Variants in ZC3H14 observed in about 807,000 individuals in gnomAD.
ZC3H14 encodes zinc finger CCCH-type containing 14.
Under a neutral mutation model 92.4 loss-of-function variants are expected in ZC3H14, and 31 were observed. That is an observed-to-expected ratio of 0.34 (90% CI 0.25 to 0.45). The LOEUF (loss-of-function observed/expected upper bound fraction) is 0.45, where lower values mean the gene tolerates loss of function less well. ZC3H14 is among the 20% of genes least tolerant of loss of function. The probability of loss-of-function intolerance (pLI) is 1.00; values close to 1 mark genes in which losing one functional copy is unlikely to be tolerated. For missense variants in ZC3H14, 781 were observed against 897.3 expected (o/e 0.87, Z 1.66); for synonymous variants, 321 against 300.9 (o/e 1.07, Z -0.69).
At chr14:88,570,800 T>C (rs921800884) in intron 3 of ZC3H14, among the ~76,000 whole-genome samples, 2 of 152,204 alleles carry the variant, frequency 1.3e-5, no homozygotes, top group African/African-American at 2.4e-5. Context: ...TCATACCATT[T>C]ATTCACTAAA....
intron 4 of ZC3H14, 105 bp from the exon 5 acceptor site, chr14:88,571,925 C>T (rs2080463427): frequency 1.1e-6 from 1 of 932,396 alleles, no homozygotes; most frequent in South Asian, 2.2e-5. Context: ...GAACGCGCCA[C>T]TGCCCTCCAG....
intron 12 of ZC3H14, among the ~76,000 whole-genome samples, chr14:88,603,649 C>G (rs180744141): frequency 1.4e-4 from 21 of 152,270 alleles, no homozygotes; most frequent in African/African-American, 5.1e-4. Context: ...AGCTGCAACG[C>G]CACTGATCAT....
At position 88,602,904 on chromosome 14, in the gene ZC3H14, T is replaced by A; in HGVS notation, c.1591T>A (p.Tyr531Asn). ...TLDGVPSPPG[Y>N]MSDQEEDMCF... ...GGATGGTGTCCCCAGCCCCCCAGGA[T>A]ACATGTCAGATCAAGAGGAGGACAT... Residue 531 changes from tyrosine to asparagine, a missense_variant, in exon 12 of 17, where the codon TAC becomes AAC. By Grantham distance (143) the Tyr-to-Asn change is moderately radical. Transcript: ENST00000251038. The A allele has an allele frequency of 6.2e-7, 1 of 1,614,166 alleles. No individual in the cohort carries two copies. The highest frequency in any genetic ancestry group is 8.5e-7 in the Non-Finnish European group (1 of 1,180,016).
At chr14:88,579,054 T>G (rs984005693) in intron 9 of ZC3H14, among the ~76,000 whole-genome samples, 4 of 152,126 alleles carry the variant, frequency 2.6e-5, no homozygotes, top group Admixed American at 2.0e-4. Context: ...TGTTTCTTTT[T>G]CTACTAAGAT....
rs1257149806 is a variant in ZC3H14 at position 88,610,826 on chromosome 14, C to G, written c.2098-8C>G. 9 of 1,611,438 alleles carry G rather than the reference C, an allele frequency of 5.6e-6. No homozygotes were observed. The highest frequency in any genetic ancestry group is 6.8e-6 in the Non-Finnish European group (8 of 1,177,716). On this transcript the variant is annotated splice_region_variant and splice_polypyrimidine_tract_variant and intron_variant, in intron 15 of 16. Transcript: ENST00000251038. ...GGATATTGTTGAAGCTCTGTTATCT[C>G]TATTCAGCATTGTAGGTTTAACACT...
Position 88,621,876 on chromosome 14 carries a change from A to T in ZC3H14, c.*10125A>T, listed in dbSNP as rs1231910401. On this transcript the variant is annotated 3_prime_UTR_variant, in exon 17 of 17. Transcript: ENST00000251038. ...GACATTTATCATTTCTTTGTGATGG[A>T]AACTTTCAAAATCCTCTCTTGTAAA... 4.4e-6 allele frequency: 2 copies of T among 456,446 alleles called. No individual in the cohort carries two copies. The highest frequency in any genetic ancestry group is 4.7e-5 in the Admixed American group (2 of 42,540). The allele number at this position is 456,446 out of a possible 1,614,324, so 28.3% of individuals were successfully genotyped here. A position where few individuals can be genotyped will look rare whatever the true frequency, so the allele number is the denominator to read the frequency against.
chr14:88,573,048 G>A (rs756387252), intron 6 of ZC3H14, 41 bp downstream of exon 6: 4 of 1,605,736 alleles, frequency 2.5e-6, no homozygotes, highest in East Asian at 4.5e-5. Flanking sequence ...GCTAAAAATC[G>A]GCAGTTCTTG....
At chr14:88,610,723 A>C (rs1453382303) in intron 15 of ZC3H14, 111 bp from the exon 16 acceptor site, 1 of 1,046,416 alleles carries the variant, frequency 9.6e-7, no homozygotes, top group Non-Finnish European at 1.4e-6. Context: ...AGGTCATGCC[A>C]CTTCACTCCA....
chr14:88,591,951 T>A (rs1183100268), intron 9 of ZC3H14: 7 of 152,220 alleles, frequency 4.6e-5, no homozygotes, highest in Non-Finnish European at 8.8e-5. Context: ...AGTTTCCTAA[T>A]CTATAAATGA....
rs55870351 is a variant in ZC3H14 at position 88,617,296 on chromosome 14, C to T, written c.*5545C>T. ...CCGAGTAGCTGGGATCACAGGCATG[C>T]GCTAACATGCCCGGCTTATTTTGTA... On this transcript the variant is annotated 3_prime_UTR_variant, in exon 17 of 17. Coordinates refer to ENST00000251038, the MANE Select transcript of ZC3H14 (RefSeq NM_024824.5). The T allele has an allele frequency of 4.8e-3, 757 of 156,196 alleles. 7 individuals are homozygous for T. The highest frequency in any genetic ancestry group is 0.017 in the African/African-American group (706 of 41,472). The allele number at this position is 156,196 out of a possible 1,614,324, so 9.7% of individuals were successfully genotyped here.
chr14:88,619,526 G>A lies in ZC3H14; in HGVS notation c.*7775G>A, dbSNP rs1307853415. The A allele has an allele frequency of 1.3e-5, 2 of 152,094 alleles. No individual in the cohort carries two copies. 9.4% of individuals were successfully genotyped at this position (152,094 alleles called of 1,614,324 possible). On this transcript the variant is annotated 3_prime_UTR_variant, in exon 17 of 17. Transcript: ENST00000251038. ...AGTCAGAACATCTCAGCTTTTAAAA[G>A]CCATTAGCATTACATAATTAATAAG...
chr14:88,616,552 C>T lies in ZC3H14; in HGVS notation c.*4801C>T, dbSNP rs892738620. On this transcript the variant is annotated 3_prime_UTR_variant, in exon 17 of 17. Coordinates refer to ENST00000251038, the MANE Select transcript of ZC3H14 (RefSeq NM_024824.5). ...GGATGGTTCCAAAGATGGTATTACT[C>T]GAGGGAGAGGATTTGTTTCTAATAG... 7 of 662,652 alleles carry T rather than the reference C, an allele frequency of 1.1e-5. No homozygotes were observed. The highest frequency in any genetic ancestry group is 4.6e-5 in the South Asian group (2 of 43,746). The allele number at this position is 662,652 out of a possible 1,614,324, so 41.0% of individuals were successfully genotyped here.
At chr14:88,611,589 A>T (rs2086790924) in intron 16 of ZC3H14, among the ~76,000 whole-genome samples, 156 bp from the exon 17 acceptor site, 1 of 152,240 alleles carries the variant, frequency 6.6e-6, no homozygotes, top group Non-Finnish European at 1.5e-5. Flanking sequence ...TATCTACCTG[A>T]CATAATTGAA....
intron 10 of ZC3H14, among the ~76,000 whole-genome samples, chr14:88,598,437 A>T (rs879656179): frequency 5.9e-5 from 9 of 152,054 alleles, no homozygotes; most frequent in Non-Finnish European, 8.8e-5. Context: ...CTCACCATTA[A>T]TTATTATGTA....
chr14:88,585,491 C>T (rs1161241281), intron 9 of ZC3H14, among the ~76,000 whole-genome samples: 2 of 151,910 alleles, frequency 1.3e-5, no homozygotes, highest in African/African-American at 4.8e-5. Context: ...ATTCTCCTGC[C>T]TCAGCCTCCC....
At chr14:88,607,699 TCATCTCACCCTGCAAG>T (rs2085718331) in intron 13 of ZC3H14, among the ~76,000 whole-genome samples, 1 of 30,344 alleles carries the variant, frequency 3.3e-5, no homozygotes, top group Admixed American at 3.8e-4. Flanking sequence ...TACCACCCCC[TCATCTCACCCTGCAAG>T]TATCATCCCC....
chr14:88,578,755 C>CCTAACATACT (rs2081495808), intron 9 of ZC3H14, among the ~76,000 whole-genome samples: 1 of 149,500 alleles, frequency 6.7e-6, no homozygotes, highest in Non-Finnish European at 1.5e-5. Context: ...TCCCCTCGTG[C>CCTAACATACT]CTAACATACT....
At chr14:88,577,162 C>T (rs559752547) in intron 8 of ZC3H14, among the ~76,000 whole-genome samples, 8 of 152,234 alleles carry the variant, frequency 5.3e-5, no homozygotes, top group African/African-American at 1.7e-4. Context: ...TAACCTTGAA[C>T]ACAAAATTCA....
At chr14:88,596,248 G>A (rs559243832) in intron 9 of ZC3H14, among the ~76,000 whole-genome samples, 1 of 152,294 alleles carries the variant, frequency 6.6e-6, no homozygotes, top group South Asian at 2.1e-4. Flanking sequence ...GAAGCCCAGA[G>A]TTTGTCTTTT....
Sources: gnomAD v4.1 joint callset for allele counts (sites outside exome capture counted in the v4.1 genomes callset) on GRCh38, gnomAD v4.1.1 for gene constraint, MANE v1.5 for transcripts, NCBI Gene and HGNC (gene_info 2026-07-23, HGNC 2026-07-21) for gene names.